MAN1A2: variants seen among roughly 807,000 people sequenced by gnomAD.
MAN1A2 encodes mannosidase alpha class 1A member 2, also known as mannosyl-oligosaccharide 1,2-alpha-mannosidase IB.
A neutral mutation model predicts 75.7 loss-of-function variants in MAN1A2; 26 were observed. That is an observed-to-expected ratio of 0.34 (90% CI 0.25 to 0.48). The LOEUF (loss-of-function observed/expected upper bound fraction) is 0.48. Among genes scored for constraint, MAN1A2 ranks in the 20% least tolerant of loss-of-function variants. MAN1A2 has a pLI of 0.99. For synonymous variants in MAN1A2, 247 were observed against 264.6 expected (o/e 0.93, Z 0.65); for missense variants, 562 against 775.5 (o/e 0.72, Z 3.27).
chr1:117,373,303 T>C (rs1653032139), intron 1 of MAN1A2, among the ~76,000 whole-genome samples: 1 of 152,274 alleles, frequency 6.6e-6, no homozygotes. Flanking sequence ...CTGCTCCTGT[T>C]TGGGCGACGT....
Position 117,460,129 on chromosome 1 carries a change from A to G in MAN1A2, c.951-360A>G, listed in dbSNP as rs1054615959. On this transcript the variant is annotated intron_variant, in intron 6 of 12. Coordinates refer to ENST00000356554, the MANE Select transcript of MAN1A2 (RefSeq NM_006699.5). ...GATATGGAAAGACCACCAACTTGCT[A>G]TGTTTTGTTTAAGAAAGGAGGACAA... is the stretch of plus-strand genomic sequence containing the variant. 6.6e-5 allele frequency among the ~76,000 whole-genome samples: 10 copies of G among 152,160 alleles called. No individual in the cohort carries two copies. The East Asian group carries it at 1.5e-3, about 23-fold the overall frequency.
At chr1:117,430,061 GCGGC>G (rs1648562949) in intron 5 of MAN1A2, among the ~76,000 whole-genome samples, 1 of 35,242 alleles carries the variant, frequency 2.8e-5, no homozygotes, top group Non-Finnish European at 5.8e-5. Context: ...CCCGGACGGG[GCGGC>G]TGGCTGGGTG....
intron 7 of MAN1A2, among the ~76,000 whole-genome samples, chr1:117,463,877 A>G (rs1412903765): frequency 6.6e-6 from 1 of 152,214 alleles, no homozygotes; most frequent in African/African-American, 2.4e-5. Context: ...CTAATGGAAA[A>G]CAACAAAGAA....
intron 8 of MAN1A2, among the ~76,000 whole-genome samples, chr1:117,489,028 C>T (rs936571054): frequency 6.6e-6 from 1 of 151,968 alleles, no homozygotes; most frequent in African/African-American, 2.4e-5. Flanking sequence ...GAAATTTGCT[C>T]CTTCTGCCCA....
At chr1:117,434,980 TTC>T (rs1270872234) in intron 5 of MAN1A2, among the ~76,000 whole-genome samples, 2 of 151,894 alleles carry the variant, frequency 1.3e-5, no homozygotes, top group Admixed American at 1.3e-4. Flanking sequence ...TCTCTCAGGT[TTC>T]TGTTTTTGGT....
intron 12 of MAN1A2, among the ~76,000 whole-genome samples, chr1:117,522,339 T>C (rs1034887253): frequency 1.1e-4 from 16 of 151,884 alleles, no homozygotes; most frequent in African/African-American, 3.9e-4. Context: ...GTTGATTTAA[T>C]GTTTGAAAAT....
intron 1 of MAN1A2, among the ~76,000 whole-genome samples, chr1:117,395,064 G>A (rs955841879): frequency 6.6e-6 from 1 of 152,170 alleles, no homozygotes; most frequent in African/African-American, 2.4e-5. Context: ...AGCGGCTTAA[G>A]CAAGATAGAA....
intron 12 of MAN1A2, among the ~76,000 whole-genome samples, chr1:117,510,128 G>GT (rs1651486005): frequency 6.6e-6 from 1 of 151,668 alleles, no homozygotes; most frequent in African/African-American, 2.4e-5. Flanking sequence ...ACTTGGTTCT[G>GT]TTTTTTTGCT....
At chr1:117,517,314 A>G (rs745314036) in intron 12 of MAN1A2, among the ~76,000 whole-genome samples, 1 of 152,230 alleles carries the variant, frequency 6.6e-6, no homozygotes, top group Non-Finnish European at 1.5e-5. Context: ...AGGCAGTACA[A>G]TGTGATCAAT....
chr1:117,508,078 T>C (rs904365679), intron 12 of MAN1A2, among the ~76,000 whole-genome samples: 4 of 151,706 alleles, frequency 2.6e-5, no homozygotes, highest in African/African-American at 4.8e-5. Flanking sequence ...AAGCCTCTTA[T>C]CAAAAACTTT....
chr1:117,514,955 G>A, intron 12 of MAN1A2: 1 of 526,094 alleles, frequency 1.9e-6, no homozygotes, highest in Non-Finnish European at 3.9e-6. Flanking sequence ...GACAAGCTAA[G>A]TCAAATCAAT....
chr1:117,446,185 T>C (rs1036261037), intron 6 of MAN1A2, among the ~76,000 whole-genome samples: 4 of 151,712 alleles, frequency 2.6e-5, no homozygotes, highest in African/African-American at 9.7e-5. Context: ...TTCTCTTTAC[T>C]AGTTTAATGA....
At chr1:117,513,443 CTT>C (rs1225963288) in intron 12 of MAN1A2, among the ~76,000 whole-genome samples, 1 of 151,752 alleles carries the variant, frequency 6.6e-6, no homozygotes, top group Non-Finnish European at 1.5e-5. Context: ...GTATTATGCT[CTT>C]GTTTGGATAT....
At chr1:117,498,312 T>C (rs1651097505) in intron 10 of MAN1A2, among the ~76,000 whole-genome samples, 1 of 151,886 alleles carries the variant, frequency 6.6e-6, no homozygotes, top group Admixed American at 6.6e-5. Flanking sequence ...AGGATTGTTA[T>C]TTTGCAGATT....
chr1:117,510,623 G>T (rs1206502294), intron 12 of MAN1A2, among the ~76,000 whole-genome samples: 1 of 151,966 alleles, frequency 6.6e-6, no homozygotes, highest in Non-Finnish European at 1.5e-5. Flanking sequence ...TCTTTATCAA[G>T]ATGTGAGCTC....
At chr1:117,419,378 C>G (rs1006728427) in intron 4 of MAN1A2, among the ~76,000 whole-genome samples, 2 of 151,882 alleles carry the variant, frequency 1.3e-5, no homozygotes, top group African/African-American at 4.8e-5. Context: ...TTCCTTCCTC[C>G]TCATATTTAG....
At chr1:117,436,066 AT>A (rs1488036619) in intron 5 of MAN1A2, among the ~76,000 whole-genome samples, 2 of 152,312 alleles carry the variant, frequency 1.3e-5, no homozygotes, top group African/African-American at 4.8e-5. Context: ...TCAAAAAAAA[AT>A]GTATATGGAT....
chr1:117,520,337 G>A (rs1190413750), intron 12 of MAN1A2, among the ~76,000 whole-genome samples: 1 of 151,968 alleles, frequency 6.6e-6, no homozygotes. Context: ...TCAGGCAAAA[G>A]AAAGAAAGGG....
rs2101038778 is a variant in MAN1A2 at position 117,526,515 on chromosome 1, C to T, written c.*3558C>T. On this transcript the variant is annotated 3_prime_UTR_variant, in exon 13 of 13. Transcript: ENST00000356554. ...TCAAAGAAATACTTGATTTCTGATG[C>T]AACTTTGACTAAAATATTTACTTTA... 4 of 151,740 alleles carry T rather than the reference C, an allele frequency of 2.6e-5. No homozygotes were observed. The Middle Eastern group carries it at 0.014, about 516-fold the overall frequency. 9.4% of individuals were successfully genotyped at this position (151,740 alleles called of 1,614,324 possible).
Sources: allele counts gnomAD v4.1 joint callset (sites outside exome capture counted in the v4.1 genomes callset), GRCh38; gene constraint gnomAD v4.1.1; transcripts MANE v1.5; gene names NCBI Gene and HGNC (gene_info 2026-07-23, HGNC 2026-07-21).